Variants in TUT7 observed in about 807,000 individuals in gnomAD.
TUT7 encodes terminal uridylyltransferase 7.
Under a neutral mutation model 165.9 loss-of-function variants are expected in TUT7, and 33 were observed. That is an observed-to-expected ratio of 0.20 (90% CI 0.15 to 0.27). The LOEUF (loss-of-function observed/expected upper bound fraction) is 0.27. Ranked by LOEUF, TUT7 falls within the 10% of genes least tolerant of loss-of-function variation. The pLI is 1.00. For synonymous variants in TUT7, 552 were observed against 608.1 expected (o/e 0.91, Z 1.36); for missense variants, 1,338 against 1,762.3 (o/e 0.76, Z 4.31).
chr9:86,323,493 C>T lies in TUT7; in HGVS notation c.2257G>A (p.Glu753Lys). ...TGCTTGCCCTTCCTTCCAACTTTCT[C>T]TTTCTCGTTTTTCCTTCCTGTTTCT... ...HPETGRKNEK[E>K]KVGRKGKHLL... Residue 753 changes from glutamate to lysine, a missense_variant, in exon 13 of 27, where the codon GAG (glutamate) becomes AAG (lysine). Physicochemically the swap from Glu to Lys is moderately conservative, Grantham distance 56 (BLOSUM62 1). This residue lies in a region of TUT7 where 425 missense variants were observed against 474.9 expected (regional missense o/e 0.89). Coordinates refer to ENST00000375963, the MANE Select transcript of TUT7 (RefSeq NM_024617.4). The T allele has an allele frequency of 6.2e-7, 1 of 1,614,244 alleles. No individual in the cohort carries two copies. Among genetic ancestry groups the T allele is most frequent in the Middle Eastern group, 1.6e-4 (1 of 6,062 alleles).
rs1356943982 is a variant in TUT7, at chr9:86,323,474, C to T, written c.2276G>A (p.Gly759Asp). 1 of 1,614,090 alleles carries T rather than the reference C, an allele frequency of 6.2e-7. No individual in the cohort carries two copies. Among genetic ancestry groups the T allele is most frequent in the Non-Finnish European group, 8.5e-7 (1 of 1,180,044 alleles). Residue 759 changes from glycine to aspartate, a missense_variant, in exon 13 of 27, where the codon GGC becomes GAC. Gly to Asp is a moderately conservative substitution (Grantham distance 94). This residue lies in a region of TUT7 where 425 missense variants were observed against 474.9 expected (regional missense o/e 0.89). Coordinates refer to ENST00000375963, the MANE Select transcript of TUT7 (RefSeq NM_024617.4). ...KNEKEKVGRK[G>D]KHLLTVDQKR... ...CTGATCAACAGTCAACAGATGCTTG[C>T]CCTTCCTTCCAACTTTCTCTTTCTC...
chr9:86,347,971 TGC>T (rs1831920049), intron 2 of TUT7, among the ~76,000 whole-genome samples: 1 of 152,164 alleles, frequency 6.6e-6, no homozygotes, highest in Non-Finnish European at 1.5e-5. Flanking sequence ...TCAAAAAAAC[TGC>T]ATCTAACTTC....
intron 17 of TUT7, among the ~76,000 whole-genome samples, chr9:86,313,165 T>TAAAA (rs905368264): frequency 7.2e-5 from 10 of 138,816 alleles, no homozygotes; most frequent in Non-Finnish European, 1.3e-4. Flanking sequence ...AATAAATAAA[T>TAAAA]AAAAAGAATT....
chr9:86,328,270 C>A, intron 11 of TUT7, 70 bp downstream of exon 11: 1 of 1,407,368 alleles, frequency 7.1e-7, no homozygotes, highest in Non-Finnish European at 9.3e-7. Context: ...GGAAAGAAGA[C>A]AAGACTGACT....
intron 24 of TUT7, among the ~76,000 whole-genome samples, chr9:86,303,610 A>G (rs1444973062): frequency 1.3e-5 from 2 of 152,244 alleles, no homozygotes; most frequent in Non-Finnish European, 1.5e-5. Context: ...ATATTGAAGA[A>G]AAGAAAAAAA....
At chr9:86,349,601 T>G (rs1305455133) in intron 2 of TUT7, among the ~76,000 whole-genome samples, 3 of 152,188 alleles carry the variant, frequency 2.0e-5, no homozygotes, top group Non-Finnish European at 4.4e-5. Context: ...ATAATTTCCA[T>G]TATATCTTCT....
At chr9:86,314,209 A>G (rs1828498553) in intron 17 of TUT7, among the ~76,000 whole-genome samples, 1 of 152,150 alleles carries the variant, frequency 6.6e-6, no homozygotes, top group African/African-American at 2.4e-5. Flanking sequence ...TCTAAATTAG[A>G]CAGAGGCCCT....
At chr9:86,328,190 A>T in intron 11 of TUT7, 150 bp downstream of exon 11, 2 of 620,236 alleles carry the variant, frequency 3.2e-6, no homozygotes, top group Non-Finnish European at 5.0e-6. Context: ...ACCTTTTCTC[A>T]TTACTTGTCT....
chr9:86,297,116 G>A (rs559097856), intron 26 of TUT7, among the ~76,000 whole-genome samples: 2 of 152,154 alleles, frequency 1.3e-5, no homozygotes, highest in South Asian at 4.1e-4. Context: ...TACAGAAATC[G>A]TAACTTACTG....
At chr9:86,329,160 T>C (rs1341344264) in intron 10 of TUT7, among the ~76,000 whole-genome samples, 2 of 152,182 alleles carry the variant, frequency 1.3e-5, no homozygotes, top group African/African-American at 4.8e-5. Context: ...TGAAAAGGCT[T>C]GTGAAATGTC....
chr9:86,340,884 A>G, intron 7 of TUT7, 118 bp downstream of exon 7: 2 of 740,846 alleles, frequency 2.7e-6, no homozygotes, highest in African/African-American at 1.8e-5. Flanking sequence ...TTTGCTTTGG[A>G]TATTACCCAC....
chr9:86,324,065 T>C (rs886841404), intron 12 of TUT7, 105 bp from the exon 13 acceptor site: 3 of 1,052,524 alleles, frequency 2.9e-6, no homozygotes, highest in African/African-American at 3.3e-5. Context: ...CAACAAACAA[T>C]GGTAAAATTT....
Position 86,301,292 on chromosome 9 carries a change from C to T in TUT7, c.4404G>A (p.Gln1468=). Residue 1468 remains glutamine (Q), a synonymous_variant, in exon 26 of 27, where the codon CAG becomes CAA. Coordinates refer to ENST00000375963, the MANE Select transcript of TUT7 (RefSeq NM_024617.4). ...REGHIKKECP[Q]FKGSSGSLSS... The stretch of plus-strand genomic sequence containing the variant: ...TGTCCATACCTGAAGAGCCTTTAAA[C>T]TGTGGGCATTCCTTTTTAATGTGCC... 1 of 1,613,940 alleles carries T rather than the reference C, an allele frequency of 6.2e-7. No individual in the cohort carries two copies. The highest frequency in any genetic ancestry group is 1.3e-5 in the African/African-American group (1 of 75,032).
At chr9:86,293,067 G>A (rs1182853709) in intron 26 of TUT7, among the ~76,000 whole-genome samples, 2 of 152,054 alleles carry the variant, frequency 1.3e-5, no homozygotes, top group Non-Finnish European at 2.9e-5. Context: ...ATAAAATTTG[G>A]TAAGCATGAT....
At chr9:86,304,793 T>C in intron 24 of TUT7, 63 bp downstream of exon 24, 1 of 988,234 alleles carries the variant, frequency 1.0e-6, no homozygotes, top group Non-Finnish European at 1.5e-6. Flanking sequence ...ACTACTGAAG[T>C]GATGTGTACA....
chr9:86,345,041 C>T lies in TUT7; in HGVS notation c.933G>A (p.Glu311=). 6.2e-7 allele frequency: 1 copy of T among 1,613,656 alleles called. No homozygotes were observed. The highest frequency in any genetic ancestry group is 8.5e-7 in the Non-Finnish European group (1 of 1,179,838). The change falls in exon 5 of 27, where the codon GAG becomes GAA. Residue 311 remains glutamate, a synonymous_variant. Transcript: ENST00000375963. ...TAATTTCCAGCCTCTGTTCCAAGTT[C>T]TCATTGTGTAAGCCAAATTCCTGTA... ...KVVQEFGLHN[E]NLEQRLEIKR... is the part of the protein sequence containing the mutation.
At chr9:86,352,085 T>G (rs1832350970) in intron 2 of TUT7, among the ~76,000 whole-genome samples, 1 of 152,088 alleles carries the variant, frequency 6.6e-6, no homozygotes, top group Non-Finnish European at 1.5e-5. Flanking sequence ...AAAGCTTGAA[T>G]CTATTTCTGA....
intron 13 of TUT7, 38 bp downstream of exon 13, chr9:86,322,835 A>C (rs1829440697): frequency 6.5e-7 from 1 of 1,528,684 alleles, no homozygotes; most frequent in East Asian, 2.3e-5. Flanking sequence ...AAGTCCTTAA[A>C]GTCTCCTAGT....
At chr9:86,310,184 G>C (rs1003053817) in intron 18 of TUT7, among the ~76,000 whole-genome samples, 167 bp from the exon 19 acceptor site, 3 of 151,764 alleles carry the variant, frequency 2.0e-5, no homozygotes, top group African/African-American at 7.3e-5. Flanking sequence ...CTCCCAAAGT[G>C]CTGGGATTAC....
Sources: allele counts gnomAD v4.1 joint callset (sites outside exome capture counted in the v4.1 genomes callset), GRCh38; gene constraint gnomAD v4.1.1; regional missense constraint gnomAD v4.1.1; transcripts MANE v1.5; gene names NCBI Gene and HGNC (gene_info 2026-07-23, HGNC 2026-07-21).